The following CUX2 variants were observed in gnomAD, a reference collection of about 807,000 sequenced individuals.
The protein encoded by CUX2 is cut like homeobox 2.
CUX2 carries 40 observed loss-of-function variants against 144.8 expected under a neutral mutation model. The observed-to-expected ratio is 0.28, with a 90% confidence interval of 0.21 to 0.36. The LOEUF (loss-of-function observed/expected upper bound fraction) is 0.36, where lower values mean the gene tolerates loss of function less well. CUX2 is among the 10% of genes least tolerant of loss of function. The probability of loss-of-function intolerance (pLI) is 1.00; values close to 1 mark genes in which losing one functional copy is unlikely to be tolerated. For synonymous variants in CUX2, 827 were observed against 875.6 expected (o/e 0.94, Z 0.98); for missense variants, 1,615 against 1,994.0 (o/e 0.81, Z 3.62).
chr12:111,125,475 G>A (rs1186997081), intron 1 of CUX2, among the ~76,000 whole-genome samples: 1 of 152,170 alleles, frequency 6.6e-6, no homozygotes, highest in African/African-American at 2.4e-5. Context: ...CACTGCGCCC[G>A]GCCTGGATAT....
At chr12:111,183,221 T>C (rs540742198) in intron 1 of CUX2, among the ~76,000 whole-genome samples, 2 of 152,276 alleles carry the variant, frequency 1.3e-5, no homozygotes, top group African/African-American at 2.4e-5. Context: ...ATGAATGATA[T>C]GTGAACATCC....
At chr12:111,305,440 C>T (rs1446878623) in intron 10 of CUX2, among the ~76,000 whole-genome samples, 1 of 152,154 alleles carries the variant, frequency 6.6e-6, no homozygotes, top group African/African-American at 2.4e-5. Context: ...ATGTGTGTCT[C>T]TACTTGTGAC....
chr12:111,341,698 TC>T, intron 20 of CUX2, 81 bp from the exon 21 acceptor site: 1 of 1,461,988 alleles, frequency 6.8e-7, no homozygotes, highest in East Asian at 2.3e-5. Context: ...ACAGATGCAC[TC>T]CCACCATGGA....
At position 111,234,553 on chromosome 12, in the gene CUX2, T is replaced by C. The variant is rs543758137; in HGVS notation, c.222+16616T>C. 5.7e-4 allele frequency among the ~76,000 whole-genome samples: 87 copies of C among 152,066 alleles called. 2 individuals carry two copies. The South Asian group carries it at 0.017, about 29-fold the overall frequency. On this transcript the variant is annotated intron_variant, in intron 3 of 21. Transcript: ENST00000261726. ...TTTTGGGCAGGCAATCAGAGAAGACTTCTGGAGGAAGTGAGGTCCCAGCTG... is the reference window on the plus strand; with the variant it reads ...TTTTGGGCAGGCAATCAGAGAAGACCTCTGGAGGAAGTGAGGTCCCAGCTG...
chr12:111,329,919 G>A (rs1197248033), intron 18 of CUX2, among the ~76,000 whole-genome samples: 1 of 152,226 alleles, frequency 6.6e-6, no homozygotes, highest in Admixed American at 6.5e-5. Flanking sequence ...TTACAGGCGT[G>A]AGCCACCATG....
At chr12:111,291,589 C>A in intron 5 of CUX2, 37 bp downstream of exon 5, 1 of 1,527,784 alleles carries the variant, frequency 6.5e-7, no homozygotes. Context: ...CTACAATAAA[C>A]AACCAGGCTG....
intron 1 of CUX2, among the ~76,000 whole-genome samples, chr12:111,125,735 A>C (rs1875018911): frequency 6.6e-6 from 1 of 152,170 alleles, no homozygotes; most frequent in Non-Finnish European, 1.5e-5. Context: ...AGGGAAGCAG[A>C]GCAGATGTGA....
intron 21 of CUX2, among the ~76,000 whole-genome samples, chr12:111,345,540 G>A (rs1184734545): frequency 2.0e-5 from 3 of 150,486 alleles, no homozygotes; most frequent in Non-Finnish European, 2.9e-5. Flanking sequence ...TCAGGAGATC[G>A]AGACCATCCT....
At chr12:111,266,541 C>T (rs1430736655) in intron 4 of CUX2, among the ~76,000 whole-genome samples, 1 of 151,484 alleles carries the variant, frequency 6.6e-6, no homozygotes, top group African/African-American at 2.4e-5. Context: ...AAAACAGAGG[C>T]ACGGTGGAAA....
chr12:111,214,184 T>TA lies in CUX2; in HGVS notation c.64-16_64-15insA. On this transcript the variant is annotated splice_polypyrimidine_tract_variant and intron_variant, in intron 1 of 21. Transcript: ENST00000261726. ...TTTTCTCTCTCTCTCTTTTTTTTTT[T>TA]TTTTTATTGTTCCAGAAGGAGCTTA... 7.0e-7 allele frequency: 1 copy of TA among 1,430,992 alleles called. No individual in the cohort carries two copies. Among genetic ancestry groups the TA allele is most frequent in the Non-Finnish European group, 9.4e-7 (1 of 1,060,080 alleles). The allele number at this position is 1,430,992 out of a possible 1,614,324, so 88.6% of individuals were successfully genotyped here.
chr12:111,115,328 C>T (rs1212979922), intron 1 of CUX2, among the ~76,000 whole-genome samples: 4 of 144,726 alleles, frequency 2.8e-5, no homozygotes, highest in Non-Finnish European at 6.0e-5. Context: ...CTCTGTCGCC[C>T]AGGCTAGAGT....
chr12:111,135,052 G>A (rs1416087672), intron 1 of CUX2, among the ~76,000 whole-genome samples: 1 of 152,198 alleles, frequency 6.6e-6, no homozygotes, highest in Non-Finnish European at 1.5e-5. Flanking sequence ...TCTGGGGACT[G>A]TTGATTGAGC....
chr12:111,321,377 G>A (rs562867117), intron 17 of CUX2, among the ~76,000 whole-genome samples: 2 of 152,014 alleles, frequency 1.3e-5, no homozygotes, highest in Non-Finnish European at 2.9e-5. Context: ...ACTGAGGCAG[G>A]AGCATCACTT....
intron 1 of CUX2, among the ~76,000 whole-genome samples, chr12:111,200,488 C>T (rs1055972228): frequency 4.6e-5 from 7 of 151,990 alleles, no homozygotes; most frequent in East Asian, 3.9e-4. Flanking sequence ...GGACAGGGAA[C>T]GGCTACTTGG....
chr12:111,348,240 A>T lies in CUX2; in HGVS notation c.4376A>T (p.His1459Leu), dbSNP rs2136460936. The T allele has an allele frequency of 2.5e-6, 4 of 1,614,012 alleles. No homozygotes were observed. The highest frequency in any genetic ancestry group is 3.4e-6 in the Non-Finnish European group (4 of 1,180,026). The change falls in exon 22 of 22, where the codon CAT becomes CTT. Residue 1459 changes from histidine to leucine, a missense_variant. Coordinates refer to ENST00000261726, the MANE Select transcript of CUX2 (RefSeq NM_015267.4). ...GTGAACCCCAACTTGCAGCGGCGGCATGAGAAGATGGCCAATCTGAACAAC... is the reference window on the plus strand; with the variant it reads ...GTGAACCCCAACTTGCAGCGGCGGCTTGAGAAGATGGCCAATCTGAACAAC... ...AKVNPNLQRR[H>L]EKMANLNNII... is the part of the protein sequence containing the mutation.
Position 111,322,321 on chromosome 12 carries a change from CAAAAA to C in CUX2, c.2767-81_2767-77del, listed in dbSNP as rs147389725. ...CGACAGACAAAGCGAGACTCTGCCT[CAAAAA>C]AAAAAAAAAAAAAAAAAAGGTTGGG... On this transcript the variant is annotated intron_variant, in intron 17 of 21. Transcript: ENST00000261726. The surrounding 1 kb of genome is among the most constrained non-coding windows in gnomAD (Gnocchi z 4.2). 25,242 of 751,860 alleles carry C rather than the reference CAAAAA, an allele frequency of 0.034. 14 individuals carry two copies. Among genetic ancestry groups the C allele is most frequent in the East Asian group, 0.14 (4,117 of 29,868 alleles). The allele number at this position is 751,860 out of a possible 1,614,324, so 46.6% of individuals were successfully genotyped here.
chr12:111,234,412 T>A (rs1311008917), intron 3 of CUX2, among the ~76,000 whole-genome samples: 1 of 152,120 alleles, frequency 6.6e-6, no homozygotes, highest in African/African-American at 2.4e-5. Context: ...AGAGATGAAC[T>A]CTGTTCAGCA....
chr12:111,051,121 G>A (rs528584039), intron 1 of CUX2, among the ~76,000 whole-genome samples: 40 of 152,254 alleles, frequency 2.6e-4, no homozygotes, highest in African/African-American at 9.2e-4. Context: ...CAAATATTAT[G>A]TATCAATTAA....
chr12:111,197,999 C>T (rs984876180), intron 1 of CUX2, among the ~76,000 whole-genome samples: 6 of 152,206 alleles, frequency 3.9e-5, no homozygotes, highest in African/African-American at 1.4e-4. Flanking sequence ...CCCTTTCTTG[C>T]TGCTGTTCTT....
Sources: allele counts gnomAD v4.1 joint callset (sites outside exome capture counted in the v4.1 genomes callset), GRCh38; gene constraint gnomAD v4.1.1; non-coding constraint Gnocchi (gnomAD v3.1); transcripts MANE v1.5; gene names NCBI Gene and HGNC (gene_info 2026-07-23, HGNC 2026-07-21).